The following AGPAT4 variants were observed in gnomAD, a reference collection of about 807,000 sequenced individuals.
The protein encoded by AGPAT4 is 1-acylglycerol-3-phosphate O-acyltransferase 4.
AGPAT4 carries 15 observed loss-of-function variants against 48.0 expected under a neutral mutation model. The ratio of observed to expected loss-of-function variants is 0.31; its 90% CI spans 0.21 to 0.48. The LOEUF is 0.48. Among genes scored for constraint, AGPAT4 ranks in the 20% least tolerant of loss-of-function variants. The probability of loss-of-function intolerance (pLI) is 0.99; values close to 1 mark genes in which losing one functional copy is unlikely to be tolerated. For synonymous variants in AGPAT4, 178 were observed against 198.7 expected, an observed-to-expected ratio of 0.90 and a Z score of 0.88; for missense variants, 314 against 482.5, an observed-to-expected ratio of 0.65 and a Z score of 3.27.
At position 161,255,342 on chromosome 6, in the gene AGPAT4, C is replaced by T. The variant is rs942730096; in HGVS notation, c.-90+18596G>A. 1.3e-5 allele frequency among the ~76,000 whole-genome samples: 2 copies of T among 152,104 alleles called. No individual in the cohort carries two copies. Among genetic ancestry groups the T allele is most frequent in the African/African-American group, 4.8e-5 (2 of 41,404 alleles). ...GTAGTTCTTCTGATGTTAGAATTAC[C>T]ATATGACCCAGAAACTCTACTCCTA... On this transcript the variant is annotated intron_variant, in intron 1 of 8. Transcript: ENST00000320285. The surrounding 1 kb of genome is among the most constrained non-coding windows in gnomAD (Gnocchi z 4.7).
At chr6:161,253,315 C>A (rs889452451) in intron 1 of AGPAT4, among the ~76,000 whole-genome samples, 1 of 149,332 alleles carries the variant, frequency 6.7e-6, no homozygotes, top group African/African-American at 2.5e-5. Context: ...AGTGCAGTGG[C>A]GCAATCTCTG....
intron 1 of AGPAT4, among the ~76,000 whole-genome samples, chr6:161,273,581 C>A (rs1350165091): frequency 6.6e-6 from 1 of 152,172 alleles, no homozygotes; most frequent in Non-Finnish European, 1.5e-5. Flanking sequence ...CACCACCCCC[C>A]GCCCAGCTTC....
At position 161,204,638 on chromosome 6, in the gene AGPAT4, T is replaced by A. The variant is rs927875991; in HGVS notation, c.178+27398A>T. 2.0e-5 allele frequency among the ~76,000 whole-genome samples: 3 copies of A among 152,020 alleles called. No individual in the cohort carries two copies. The highest frequency in any genetic ancestry group is 7.2e-5 in the African/African-American group (3 of 41,386). On this transcript the variant is annotated intron_variant, in intron 2 of 8. Coordinates refer to ENST00000320285, the MANE Select transcript of AGPAT4 (RefSeq NM_020133.3). This position sits in a 1 kb window ranked among gnomAD's most constrained non-coding sequence, Gnocchi z 4.4. ...ATTAAATCTCAAAAGGCAAACAAAA[T>A]GTCAATCAAAATTGATGTATGGTTG...
intron 1 of AGPAT4, among the ~76,000 whole-genome samples, chr6:161,257,568 G>A (rs565550999): frequency 5.9e-5 from 9 of 152,272 alleles, no homozygotes; most frequent in Non-Finnish European, 1.2e-4. Flanking sequence ...TTTATGGTAT[G>A]TAAATTATAT....
rs932792515 is a variant in AGPAT4, at chr6:161,262,310, T to C, written c.-90+11628A>G. Among the ~76,000 whole-genome samples, 1 of 152,146 alleles carries C rather than the reference T, an allele frequency of 6.6e-6. No individual in the cohort carries two copies. Among genetic ancestry groups the C allele is most frequent in the African/African-American group, 2.4e-5 (1 of 41,440 alleles). On this transcript the variant is annotated intron_variant, in intron 1 of 8. Coordinates refer to ENST00000320285, the MANE Select transcript of AGPAT4 (RefSeq NM_020133.3). This position sits in a 1 kb window ranked among gnomAD's most constrained non-coding sequence, Gnocchi z 4.9. ...TCATGTGCAGGCAATGTTGAGAACA[T>C]GGGTTAGACTCTGCTGCCAGGACCT...
chr6:161,136,297 A>C lies in AGPAT4; in HGVS notation c.*243T>G. On this transcript the variant is annotated 3_prime_UTR_variant, in exon 9 of 9. Coordinates refer to ENST00000320285, the MANE Select transcript of AGPAT4 (RefSeq NM_020133.3). The stretch of plus-strand genomic sequence containing the variant: ...CAAAGTTCACACTCACCACACAGCC[A>C]TTCTCACACACACTCGCACAAAAAG... The C allele has an allele frequency of 1.4e-5, 7 of 485,202 alleles. No individual in the cohort carries two copies. The highest frequency in any genetic ancestry group is 3.8e-5 in the East Asian group (1 of 26,038). The allele number at this position is 485,202 out of a possible 1,614,324, so 30.1% of individuals were successfully genotyped here.
chr6:161,160,104 A>ATTTTTTTTTT (rs5881394), intron 3 of AGPAT4: 7 of 74,010 alleles, frequency 9.5e-5, no homozygotes, highest in Admixed American at 2.2e-4. Context: ...CACCCAGCTA[A>ATTTTTTTTTT]TTTTTTTTTT....
In AGPAT4 at chr6:161,188,593, G is replaced by A. The variant is rs1780835096; in HGVS notation, c.179-22176C>T. Among the ~76,000 whole-genome samples the A allele has an allele frequency of 2.6e-5, 4 of 152,216 alleles. No homozygotes were observed. In the South Asian group the frequency reaches 8.3e-4, roughly 32 times the overall value. On this transcript the variant is annotated intron_variant, in intron 2 of 8. Coordinates refer to ENST00000320285, the MANE Select transcript of AGPAT4 (RefSeq NM_020133.3). ...CACGCAATACTAAACGACATTATGA[G>A]GCATGCAATATCTGGGACACATACT...
intron 2 of AGPAT4, among the ~76,000 whole-genome samples, chr6:161,191,033 CTTTGGTT>C (rs1199872592): frequency 6.6e-6 from 1 of 152,164 alleles, no homozygotes; most frequent in Admixed American, 6.5e-5. Flanking sequence ...AGCACCCCTG[CTTTGGTT>C]TTTTAACTCC....
In AGPAT4 at chr6:161,272,691, C is replaced by T. The variant is rs1582927895; in HGVS notation, c.-90+1247G>A. Among the ~76,000 whole-genome samples the T allele has an allele frequency of 6.7e-6, 1 of 149,214 alleles. No individual in the cohort carries two copies. Among genetic ancestry groups the T allele is most frequent in the Middle Eastern group, 3.4e-3 (1 of 294 alleles). On this transcript the variant is annotated intron_variant, in intron 1 of 8. Transcript: ENST00000320285. This position sits in a 1 kb window ranked among gnomAD's most constrained non-coding sequence, Gnocchi z 4.2. ...GATGTGCCCTGTTCTCCCTGCCCGCCTCCCATTTCCCTAAACACACACACA... is the reference window on the plus strand; with the variant it reads ...GATGTGCCCTGTTCTCCCTGCCCGCTTCCCATTTCCCTAAACACACACACA...
At position 161,166,478 on chromosome 6, in the gene AGPAT4, TGAGAG is replaced by T; in HGVS notation, c.179-66_179-62del. 1 of 1,525,486 alleles carries T rather than the reference TGAGAG, an allele frequency of 6.6e-7. No individual in the cohort carries two copies. Among genetic ancestry groups the T allele is most frequent in the African/African-American group, 1.4e-5 (1 of 71,972 alleles). The allele number at this position is 1,525,486 out of a possible 1,614,324, so 94.5% of individuals were successfully genotyped here. A position where few individuals can be genotyped will look rare whatever the true frequency, so the allele number is the denominator to read the frequency against. ...TGCAGCCTTGTCCTGGGAGCCCTGC[TGAGAG>T]CAGGGCTCTGCCCTCCCAGCTAGGG... On this transcript the variant is annotated intron_variant, in intron 2 of 8. Transcript: ENST00000320285. This position sits in a 1 kb window ranked among gnomAD's most constrained non-coding sequence, Gnocchi z 6.7.
Position 161,222,336 on chromosome 6 carries a change from G to T in AGPAT4, c.178+9700C>A, listed in dbSNP as rs1781858125. Reference sequence around the variant, plus strand: ...ATTTTTTCCAGTTTATAACATACATGATCATTGTGTAAAATATAAGACATC... The same window carrying T: ...ATTTTTTCCAGTTTATAACATACATTATCATTGTGTAAAATATAAGACATC... On this transcript the variant is annotated intron_variant, in intron 2 of 8. Transcript: ENST00000320285. The surrounding 1 kb of genome is among the most constrained non-coding windows in gnomAD (Gnocchi z 5.9). 6.6e-6 allele frequency among the ~76,000 whole-genome samples: 1 copy of T among 152,054 alleles called. No homozygotes were observed. Among genetic ancestry groups the T allele is most frequent in the Non-Finnish European group, 1.5e-5 (1 of 68,018 alleles).
intron 2 of AGPAT4, among the ~76,000 whole-genome samples, chr6:161,227,414 C>T (rs1488604710): frequency 6.6e-6 from 1 of 152,172 alleles, no homozygotes; most frequent in African/African-American, 2.4e-5. Flanking sequence ...TGCCTTTTTG[C>T]CCCAAGGCTC....
At position 161,165,553 on chromosome 6, in the gene AGPAT4, T is replaced by C; in HGVS notation, c.348+695A>G. 7.8e-7 allele frequency: 1 copy of C among 1,280,152 alleles called. No individual in the cohort carries two copies. Among genetic ancestry groups the C allele is most frequent in the Non-Finnish European group, 1.0e-6 (1 of 979,416 alleles). 79.3% of individuals were successfully genotyped at this position (1,280,152 alleles called of 1,614,324 possible). ...TAGCCCCAGACCAATGTACACTGTG[T>C]ACACTGTGATTCCTACGGAATACCT... is the stretch of plus-strand genomic sequence containing the variant. On this transcript the variant is annotated intron_variant, in intron 3 of 8. Transcript: ENST00000320285. This position sits in a 1 kb window ranked among gnomAD's most constrained non-coding sequence, Gnocchi z 5.5.
rs1321289048 is a variant in AGPAT4 at position 161,165,150 on chromosome 6, C to A, written c.348+1098G>T. On this transcript the variant is annotated intron_variant, in intron 3 of 8. Transcript: ENST00000320285. This position sits in a 1 kb window ranked among gnomAD's most constrained non-coding sequence, Gnocchi z 5.5. ...TGTAACTCAGATCTCTGCCCAAGTT[C>A]TCCACATCAGAGAATGATAGTTACT... 6.6e-6 allele frequency among the ~76,000 whole-genome samples: 1 copy of A among 152,212 alleles called. No homozygotes were observed. The highest frequency in any genetic ancestry group is 1.5e-5 in the Non-Finnish European group (1 of 68,040).
At chr6:161,156,169 A>G (rs1779762438) in intron 3 of AGPAT4, among the ~76,000 whole-genome samples, 1 of 152,224 alleles carries the variant, frequency 6.6e-6, no homozygotes, top group African/African-American at 2.4e-5. Flanking sequence ...ATGTTTAGAT[A>G]TCCCACGGTA....
At chr6:161,191,097 A>G (rs1188277400) in intron 2 of AGPAT4, among the ~76,000 whole-genome samples, 1 of 152,232 alleles carries the variant, frequency 6.6e-6, no homozygotes, top group Non-Finnish European at 1.5e-5. Context: ...TCCAAATATA[A>G]TAACATTCAT....
chr6:161,179,110 C>A (rs1434395231), intron 2 of AGPAT4, among the ~76,000 whole-genome samples: 1 of 152,170 alleles, frequency 6.6e-6, no homozygotes, highest in African/African-American at 2.4e-5. Context: ...GCTATTTAAC[C>A]ATTGCCTGCT....
rs1377352594 is a variant in AGPAT4 at position 161,171,064 on chromosome 6, A to G, written c.179-4647T>C. Among the ~76,000 whole-genome samples, 2 of 152,190 alleles carry G rather than the reference A, an allele frequency of 1.3e-5. No homozygotes were observed. Among genetic ancestry groups the G allele is most frequent in the Admixed American group, 6.5e-5 (1 of 15,288 alleles). ...TTACCAGTGGGCACCTGAGCAATCC[A>G]TCCCGACCAGAAGCTATCAGCAGGT... On this transcript the variant is annotated intron_variant, in intron 2 of 8. Coordinates refer to ENST00000320285, the MANE Select transcript of AGPAT4 (RefSeq NM_020133.3). The surrounding 1 kb of genome is among the most constrained non-coding windows in gnomAD (Gnocchi z 4.4).
Sources: gnomAD v4.1 joint callset for allele counts (sites outside exome capture counted in the v4.1 genomes callset) on GRCh38, gnomAD v4.1.1 for gene constraint, Gnocchi (gnomAD v3.1) non-coding constraint, MANE v1.5 for transcripts, NCBI Gene and HGNC (gene_info 2026-07-23, HGNC 2026-07-21) for gene names.